The following RABGAP1L variants were observed in gnomAD, a reference collection of about 807,000 sequenced individuals.
The protein encoded by RABGAP1L is RAB GTPase activating protein 1 like.
Under a neutral mutation model 137.7 loss-of-function variants are expected in RABGAP1L, and 63 were observed. The ratio of observed to expected loss-of-function variants is 0.46; its 90% CI spans 0.37 to 0.56. The LOEUF (loss-of-function observed/expected upper bound fraction) is 0.56, where lower values mean the gene tolerates loss of function less well. Ranked by LOEUF, RABGAP1L falls within the 20% of genes least tolerant of loss-of-function variation. The probability of loss-of-function intolerance (pLI) is 0.00; values close to 1 mark genes in which losing one functional copy is unlikely to be tolerated. For synonymous variants in RABGAP1L, 431 were observed against 433.7 expected (o/e 0.99, Z 0.08); for missense variants, 1,095 against 1,244.0 (o/e 0.88, Z 1.80).
chr1:174,966,342 G>T (rs2149359105), intron 20 of RABGAP1L, among the ~76,000 whole-genome samples: 1 of 152,238 alleles, frequency 6.6e-6, no homozygotes. Flanking sequence ...TATTTATCAA[G>T]AAATGAGAAA....
At position 174,587,958 on chromosome 1, in the gene RABGAP1L, T is replaced by C. The variant is rs551926446; in HGVS notation, c.1711-49417T>C. On this transcript the variant is annotated intron_variant, in intron 13 of 25. Coordinates refer to ENST00000681986, the MANE Select transcript of RABGAP1L (RefSeq NM_001366446.1). ...GACTCACTGCAACCTCCGCCTCCTGTGTTCAAGTGATTCTTCTGCCTCAGC... is the reference window on the plus strand; with the variant it reads ...GACTCACTGCAACCTCCGCCTCCTGCGTTCAAGTGATTCTTCTGCCTCAGC... 2.0e-5 allele frequency among the ~76,000 whole-genome samples: 3 copies of C among 152,076 alleles called. No individual in the cohort carries two copies. In the East Asian group the frequency reaches 5.8e-4, roughly 29 times the overall value.
intron 13 of RABGAP1L, among the ~76,000 whole-genome samples, chr1:174,441,798 G>A (rs1654186798): frequency 6.7e-6 from 1 of 149,656 alleles, no homozygotes; most frequent in Admixed American, 6.7e-5. Flanking sequence ...AGTACAGTCA[G>A]TTGCTAAAAA....
At chr1:174,841,364 T>A (rs950824545) in intron 19 of RABGAP1L, among the ~76,000 whole-genome samples, 1 of 151,934 alleles carries the variant, frequency 6.6e-6, no homozygotes, top group Non-Finnish European at 1.5e-5. Context: ...CTAAAATAAT[T>A]CTTAGATCAG....
At chr1:174,196,939 T>G (rs1486988103) in intron 1 of RABGAP1L, among the ~76,000 whole-genome samples, 1 of 152,164 alleles carries the variant, frequency 6.6e-6, no homozygotes, top group African/African-American at 2.4e-5. Flanking sequence ...AAGGTGGAAT[T>G]TGAGATGTTT....
intron 11 of RABGAP1L, among the ~76,000 whole-genome samples, chr1:174,369,849 C>T (rs997052719): frequency 2.0e-5 from 3 of 152,070 alleles, no homozygotes; most frequent in Admixed American, 1.3e-4. Flanking sequence ...CCTTATAATT[C>T]TTATTTACCT....
chr1:174,918,113 A>G lies in RABGAP1L; in HGVS notation c.2341-39344A>G, dbSNP rs1436104206. Among the ~76,000 whole-genome samples, 6 of 91,440 alleles carry G rather than the reference A, an allele frequency of 6.6e-5. No homozygotes were observed. In the South Asian group the frequency reaches 1.2e-3, roughly 19 times the overall value. 60.0% of individuals were successfully genotyped at this position (91,440 alleles called of 152,430 possible). ...TTTAATAATAATATAAGAGGCCTTT[A>G]TAATTTAGAACTATTATGAAGTAAT... On this transcript the variant is annotated intron_variant, in intron 19 of 25. Transcript: ENST00000681986.
intron 11 of RABGAP1L, among the ~76,000 whole-genome samples, chr1:174,347,372 TTA>T (rs1194638030): frequency 2.0e-5 from 3 of 152,114 alleles, no homozygotes; most frequent in Non-Finnish European, 4.4e-5. Context: ...AATATTTGGT[TTA>T]TATATCTGGG....
intron 19 of RABGAP1L, among the ~76,000 whole-genome samples, chr1:174,878,938 T>G (rs1392583641): frequency 4.3e-5 from 6 of 138,896 alleles, no homozygotes; most frequent in Non-Finnish European, 7.7e-5. Context: ...TTTTTTTTTT[T>G]TTTTTTTTTT....
intron 18 of RABGAP1L, among the ~76,000 whole-genome samples, chr1:174,803,227 A>G (rs1235078522): frequency 7.9e-5 from 12 of 152,194 alleles, no homozygotes; most frequent in Admixed American, 5.9e-4. Context: ...TTCAGTTGGA[A>G]GGAGGTTACT....
intron 8 of RABGAP1L, among the ~76,000 whole-genome samples, chr1:174,273,959 G>A (rs906840069): frequency 1.5e-4 from 23 of 152,148 alleles, no homozygotes; most frequent in African/African-American, 5.6e-4. Flanking sequence ...TATTTGCAAT[G>A]ATTAGCAGTT....
rs145482017 is a variant in RABGAP1L at position 174,849,642 on chromosome 1, T to C, written c.2340+37682T>C. The C allele has an allele frequency of 3.1e-4, 123 of 393,458 alleles. 1 individual carries two copies. The highest frequency in any genetic ancestry group is 2.4e-3 in the African/African-American group (113 of 47,662). 24.4% of individuals were successfully genotyped at this position (393,458 alleles called of 1,614,324 possible). A position where few individuals can be genotyped will look rare whatever the true frequency, so the allele number is the denominator to read the frequency against. Reference sequence around the variant, plus strand: ...ATGAGAAAATATACAGGATGAGAAGTACACTTAGGAATTTGTTGTGATTTT... The same window carrying C: ...ATGAGAAAATATACAGGATGAGAAGCACACTTAGGAATTTGTTGTGATTTT... On this transcript the variant is annotated intron_variant, in intron 19 of 25. Transcript: ENST00000681986.
intron 18 of RABGAP1L, among the ~76,000 whole-genome samples, chr1:174,788,690 G>C (rs745745124): frequency 1.3e-5 from 2 of 152,078 alleles, no homozygotes; most frequent in Non-Finnish European, 2.9e-5. Flanking sequence ...TTTGGCCTCA[G>C]ATGTACTTAC....
intron 13 of RABGAP1L, among the ~76,000 whole-genome samples, chr1:174,559,368 A>T (rs74126834): frequency 1.3e-4 from 20 of 152,316 alleles, no homozygotes; most frequent in African/African-American, 4.8e-4. Flanking sequence ...CAAAAAGAAG[A>T]GTGCATAGGG....
chr1:174,413,314 A>G (rs1332246807), intron 13 of RABGAP1L, among the ~76,000 whole-genome samples: 2 of 152,064 alleles, frequency 1.3e-5, no homozygotes, highest in East Asian at 3.9e-4. Context: ...TGAAGCTGTC[A>G]TTGATTTATT....
At chr1:174,935,347 T>G (rs1158590878) in intron 19 of RABGAP1L, 1 of 152,220 alleles carries the variant, frequency 6.6e-6, no homozygotes, top group African/African-American at 2.4e-5. Flanking sequence ...GATATAGTAC[T>G]TCTGACTTTT....
chr1:174,734,862 C>T (rs546570686), intron 17 of RABGAP1L, among the ~76,000 whole-genome samples: 29 of 149,968 alleles, frequency 1.9e-4, no homozygotes, highest in Non-Finnish European at 3.5e-4. Context: ...CCTACTAATT[C>T]TTCAGATTGC....
intron 18 of RABGAP1L, among the ~76,000 whole-genome samples, chr1:174,783,314 C>T (rs973077903): frequency 2.0e-5 from 3 of 152,108 alleles, no homozygotes; most frequent in Admixed American, 1.3e-4. Context: ...GCTATAACAC[C>T]GCATGGCCCA....
At chr1:174,252,804 C>A (rs1672821463) in intron 7 of RABGAP1L, among the ~76,000 whole-genome samples, 1 of 152,168 alleles carries the variant, frequency 6.6e-6, no homozygotes, top group African/African-American at 2.4e-5. Context: ...TTTAGTTTTT[C>A]AGTCATAACT....
chr1:174,842,724 T>G (rs1693551903), intron 19 of RABGAP1L, among the ~76,000 whole-genome samples: 1 of 152,184 alleles, frequency 6.6e-6, no homozygotes, highest in African/African-American at 2.4e-5. Context: ...CTAAAATGGA[T>G]GAAGCAGCAG....
Sources: allele counts gnomAD v4.1 joint callset (sites outside exome capture counted in the v4.1 genomes callset), GRCh38; gene constraint gnomAD v4.1.1; transcripts MANE v1.5; gene names NCBI Gene and HGNC (gene_info 2026-07-23, HGNC 2026-07-21).